The following HSPA12A variants were observed in gnomAD, a reference collection of about 807,000 sequenced individuals.
HSPA12A encodes the protein heat shock 70 kDa protein 12A.
Under a neutral mutation model 69.2 loss-of-function variants are expected in HSPA12A, and 28 were observed. The observed-to-expected ratio is 0.40, with a 90% CI of 0.30 to 0.55. HSPA12A has a LOEUF of 0.55. Among genes scored for constraint, HSPA12A ranks in the 20% least tolerant of loss-of-function variants. The probability of loss-of-function intolerance (pLI) is 0.38; values close to 1 mark genes in which losing one functional copy is unlikely to be tolerated. For missense variants in HSPA12A, 686 were observed against 900.7 expected, an observed-to-expected ratio of 0.76 and a Z score of 3.05; for synonymous variants, 345 against 370.5, an observed-to-expected ratio of 0.93 and a Z score of 0.79.
intron 1 of HSPA12A, among the ~76,000 whole-genome samples, chr10:116,724,652 G>A (rs148074582): frequency 7.2e-5 from 11 of 152,182 alleles, no homozygotes; most frequent in South Asian, 2.1e-4. Flanking sequence ...TAGTAAACAC[G>A]TAAGTCTTCT....
chr10:116,705,320 G>C (rs782348732), intron 2 of HSPA12A, 42 bp from the exon 3 acceptor site: 60 of 1,611,868 alleles, frequency 3.7e-5, no homozygotes, highest in Non-Finnish European at 5.0e-5. Context: ...GGAGGGGTGG[G>C]CCTGGCTTTC....
Position 116,749,462 on chromosome 10 carries a change from T to C in HSPA12A, c.92-42177A>G, listed in dbSNP as rs569506045. Among the ~76,000 whole-genome samples the C allele has an allele frequency of 2.6e-5, 4 of 152,338 alleles. No individual in the cohort carries two copies. The South Asian group carries it at 8.3e-4, about 32-fold the overall frequency. On this transcript the variant is annotated intron_variant, in intron 2 of 12. Transcript: ENST00000635765. ...CCGGAGATCAGGTACTCAGCTGTTG[T>C]GACCTAAGAAGAAAGTGGCAGAGGA...
intron 2 of HSPA12A, among the ~76,000 whole-genome samples, chr10:116,811,031 G>A (rs1215557400): frequency 6.6e-6 from 1 of 152,168 alleles, no homozygotes; most frequent in Non-Finnish European, 1.5e-5. Flanking sequence ...ACAAACCATA[G>A]GGATAAGATT....
At chr10:116,782,219 G>A in intron 2 of HSPA12A, among the ~76,000 whole-genome samples, 1 of 152,190 alleles carries the variant, frequency 6.6e-6, no homozygotes, top group East Asian at 1.9e-4. Flanking sequence ...TCAGAAATGT[G>A]ACTATCCCAA....
intron 2 of HSPA12A, chr10:116,828,679 G>A (rs964403584): frequency 3.3e-5 from 5 of 152,314 alleles, no homozygotes; most frequent in African/African-American, 1.2e-4. Flanking sequence ...TGACAGCGGA[G>A]CATTAAACCA....
At chr10:116,823,625 G>C (rs995372908) in intron 2 of HSPA12A, among the ~76,000 whole-genome samples, 3 of 152,144 alleles carry the variant, frequency 2.0e-5, no homozygotes, top group Non-Finnish European at 4.4e-5. Flanking sequence ...TTTTTGACAA[G>C]GGGGTGAAGA....
At chr10:116,802,559 T>C (rs1844979462) in intron 2 of HSPA12A, among the ~76,000 whole-genome samples, 1 of 152,102 alleles carries the variant, frequency 6.6e-6, no homozygotes, top group Non-Finnish European at 1.5e-5. Flanking sequence ...TAAAATACAT[T>C]ACAATGAGAA....
chr10:116,769,347 G>C (rs1421231005), intron 2 of HSPA12A, among the ~76,000 whole-genome samples: 1 of 152,192 alleles, frequency 6.6e-6, no homozygotes, highest in Non-Finnish European at 1.5e-5. Flanking sequence ...TTCCAGCCAA[G>C]GAAACAAAGG....
intron 1 of HSPA12A, among the ~76,000 whole-genome samples, chr10:116,714,966 C>T (rs143660031): frequency 6.6e-6 from 1 of 152,298 alleles, no homozygotes; most frequent in African/African-American, 2.4e-5. Context: ...TCTCAGCTCC[C>T]CCGGTGCAGA....
At chr10:116,760,232 C>G (rs782651679) in intron 2 of HSPA12A, among the ~76,000 whole-genome samples, 7 of 152,098 alleles carry the variant, frequency 4.6e-5, no homozygotes, top group Admixed American at 6.6e-5. Context: ...CCATATCTTT[C>G]TAGTACATTC....
intron 2 of HSPA12A, among the ~76,000 whole-genome samples, chr10:116,752,442 T>A (rs1341369812): frequency 2.0e-5 from 3 of 152,146 alleles, no homozygotes; most frequent in Non-Finnish European, 4.4e-5. Context: ...ATTCATCCTA[T>A]CCGTCAATCA....
chr10:116,695,890 C>G (rs910505855), intron 5 of HSPA12A, among the ~76,000 whole-genome samples: 2 of 150,280 alleles, frequency 1.3e-5, no homozygotes, highest in Admixed American at 6.7e-5. Flanking sequence ...GTAGTCCCAG[C>G]TACTTGGGAG....
intron 2 of HSPA12A, among the ~76,000 whole-genome samples, chr10:116,756,233 A>G (rs1265519706): frequency 6.6e-6 from 1 of 152,062 alleles, no homozygotes; most frequent in Non-Finnish European, 1.5e-5. Flanking sequence ...ACTTCCAGGG[A>G]AGGGTAGGGG....
In HSPA12A at chr10:116,686,916, CA is replaced by C. The variant is rs1849593018; in HGVS notation, c.664-2955del. On this transcript the variant is annotated intron_variant, in intron 6 of 11. Transcript: ENST00000369209. The surrounding 1 kb of genome is among the most constrained non-coding windows in gnomAD (Gnocchi z 4.1). ...CTTCCCACACTGTAAGCTCTGCCCC[CA>C]TCTCTCTACCCACACTACCCCTGAA... Among the ~76,000 whole-genome samples, 1 of 152,126 alleles carries C rather than the reference CA, an allele frequency of 6.6e-6. No individual in the cohort carries two copies. Among genetic ancestry groups the C allele is most frequent in the Admixed American group, 6.6e-5 (1 of 15,266 alleles).
intron 1 of HSPA12A, among the ~76,000 whole-genome samples, chr10:116,846,083 C>T (rs759869156): frequency 1.3e-5 from 2 of 152,160 alleles, no homozygotes; most frequent in African/African-American, 2.4e-5. Context: ...TCCCCAGTGC[C>T]TAGAACAGCA....
intron 5 of HSPA12A, among the ~76,000 whole-genome samples, chr10:116,692,926 G>A (rs1432976414): frequency 6.6e-6 from 1 of 152,148 alleles, no homozygotes; most frequent in Non-Finnish European, 1.5e-5. Flanking sequence ...ATCCAGTCAA[G>A]AATCCTGTTA....
chr10:116,705,194 C>T lies in HSPA12A; in HGVS notation c.211G>A (p.Ala71Thr), dbSNP rs782342075. 6.2e-7 allele frequency: 1 copy of T among 1,614,222 alleles called. No individual in the cohort carries two copies. Among genetic ancestry groups the T allele is most frequent in the Middle Eastern group, 1.6e-4 (1 of 6,062 alleles). Residue 71 changes from alanine to threonine, a missense_variant, in exon 3 of 12, where the codon GCC becomes ACC. By Grantham distance (58) the Ala-to-Thr change is moderately conservative (BLOSUM62 0). Transcript: ENST00000369209. ...VDFGTTSSGYAYSFTKEPECI... is the reference protein window; with the variant it reads ...VDFGTTSSGYTYSFTKEPECI... Reference sequence around the variant, plus strand: ...TCCGGCTCCTTGGTGAAGCTGTAGGCATAGCCACTGGATGTGGTCCCAAAG... The same window carrying T: ...TCCGGCTCCTTGGTGAAGCTGTAGGTATAGCCACTGGATGTGGTCCCAAAG...
intron 2 of HSPA12A, among the ~76,000 whole-genome samples, chr10:116,796,748 C>T (rs908151626): frequency 2.0e-5 from 3 of 152,084 alleles, no homozygotes; most frequent in South Asian, 2.1e-4. Context: ...GCCCCTCTGC[C>T]CAGCCCCACC....
intron 1 of HSPA12A, 107 bp downstream of exon 1, chr10:116,742,323 C>T: frequency 1.7e-6 from 2 of 1,184,570 alleles, no homozygotes; most frequent in Non-Finnish European, 2.2e-6. Flanking sequence ...GCGCGGGCGT[C>T]CCCACTTTTC....
Sources: allele counts gnomAD v4.1 joint callset (sites outside exome capture counted in the v4.1 genomes callset), GRCh38; gene constraint gnomAD v4.1.1; non-coding constraint Gnocchi (gnomAD v3.1); transcripts MANE v1.5; gene names NCBI Gene and HGNC (gene_info 2026-07-23, HGNC 2026-07-21).